Variants in E2F2 observed in about 807,000 individuals in gnomAD.
E2F2 encodes the protein transcription factor E2F2.
E2F2 carries 22 observed loss-of-function variants against 42.2 expected under a neutral mutation model. The observed-to-expected ratio is 0.52, with a 90% CI of 0.37 to 0.74. E2F2 has a LOEUF of 0.74. E2F2 is among the 30% of genes least tolerant of loss of function. E2F2 has a pLI of 0.00. For missense variants in E2F2, 481 were observed against 557.8 expected (o/e 0.86, Z 1.39); for synonymous variants, 248 against 251.6 (o/e 0.99, Z 0.13).
At chr1:23,519,243 C>A in intron 4 of E2F2, 113 bp from the exon 5 acceptor site, 1 of 616,366 alleles carries the variant, frequency 1.6e-6, no homozygotes, top group African/African-American at 1.8e-5. Flanking sequence ...CTTTCTCACT[C>A]CTTGTACAAC....
At chr1:23,525,952 G>A (rs1475602823) in intron 1 of E2F2, among the ~76,000 whole-genome samples, 1 of 152,142 alleles carries the variant, frequency 6.6e-6, no homozygotes, top group Non-Finnish European at 1.5e-5. Context: ...GCTGAGCACA[G>A]CTGGGCTGAC....
At chr1:23,514,673 C>CAA (rs34938409) in intron 6 of E2F2, among the ~76,000 whole-genome samples, 1,871 of 142,062 alleles carry the variant, frequency 0.013, 17 homozygotes, top group Middle Eastern at 0.017. Flanking sequence ...ACTAAAAATA[C>CAA]AAAAAAAAAA....
At chr1:23,521,595 T>C in intron 3 of E2F2, 1 of 984,490 alleles carries the variant, frequency 1.0e-6, no homozygotes, top group Non-Finnish European at 1.2e-6. Context: ...TTCTCCACTC[T>C]GCCCCGCATC....
chr1:23,518,597 C>T (rs1214129727), intron 5 of E2F2, among the ~76,000 whole-genome samples: 2 of 151,996 alleles, frequency 1.3e-5, no homozygotes, highest in Non-Finnish European at 2.9e-5. Flanking sequence ...GATGGGGCAG[C>T]GGGGAAAAGG....
intron 2 of E2F2, among the ~76,000 whole-genome samples, chr1:23,522,804 AG>A (rs1643177989): frequency 6.6e-6 from 1 of 152,160 alleles, no homozygotes; most frequent in South Asian, 2.1e-4. Context: ...TTAAACCACG[AG>A]GGGACTTTTG....
Position 23,530,613 on chromosome 1 carries a change from T to C in E2F2, c.181A>G (p.Thr61Ala), listed in dbSNP as rs749170136. 2 of 1,612,614 alleles carry C rather than the reference T, an allele frequency of 1.2e-6. No homozygotes were observed. The highest frequency in any genetic ancestry group is 1.7e-5 in the Admixed American group (1 of 59,972). Residue 61 changes from threonine to alanine, a missense_variant, in exon 1 of 7, where the codon ACC (threonine) becomes GCC (alanine). Transcript: ENST00000361729. This position sits in a 1 kb window ranked among gnomAD's most constrained non-coding sequence, Gnocchi z 4.4. ...QTAPPAAAPG[T>A]CLDATPHGPE... ...CCGTGGGGAGTGGCGTCGAGGCAGG[T>C]GCCTGGCGCCGCTGCGGGAGGCGCC...
chr1:23,524,067 T>A, intron 2 of E2F2, among the ~76,000 whole-genome samples: 1 of 139,144 alleles, frequency 7.2e-6, no homozygotes, highest in South Asian at 2.3e-4. Flanking sequence ...GAGCGAGACC[T>A]GTCTCACAAC....
chr1:23,509,978 A>G lies in E2F2; in HGVS notation c.1216T>C (p.Ser406Pro), dbSNP rs2148686028. Residue 406 changes from serine (S) to proline (P), a missense_variant, in exon 7 of 7, where the codon TCC (serine) becomes CCC (proline). Coordinates refer to ENST00000361729, the MANE Select transcript of E2F2 (RefSeq NM_004091.4). The part of the protein sequence containing the change: ...CSSPLISFSP[S>P]LDQDDYLWGL... The stretch of plus-strand genomic sequence containing the variant: ...CACAGGTAGTCGTCCTGGTCCAAGG[A>G]TGGGGAGAAGCTGATCAGAGGGGAG... 6.2e-7 allele frequency: 1 copy of G among 1,613,236 alleles called. No homozygotes were observed. Among genetic ancestry groups the G allele is most frequent in the Non-Finnish European group, 8.5e-7 (1 of 1,179,672 alleles).
intron 6 of E2F2, among the ~76,000 whole-genome samples, chr1:23,513,596 G>A (rs1308471263): frequency 1.3e-5 from 2 of 150,108 alleles, no homozygotes; most frequent in African/African-American, 2.5e-5. Context: ...GTGTGTGTGT[G>A]TGTGTGTGTG....
Position 23,509,525 on chromosome 1 carries a change from T to G in E2F2, c.*355A>C. The G allele has an allele frequency of 5.0e-6, 1 of 200,002 alleles. No homozygotes were observed. The highest frequency in any genetic ancestry group is 1.0e-5 in the Non-Finnish European group (1 of 99,942). 12.4% of individuals were successfully genotyped at this position (200,002 alleles called of 1,614,324 possible). A position where few individuals can be genotyped will look rare whatever the true frequency, so the allele number is the denominator to read the frequency against. ...AATAAATACAAAGGCATTATGTGCT[T>G]CTTGGTACGTCGAGGGTCCTAATTA... On this transcript the variant is annotated 3_prime_UTR_variant, in exon 7 of 7. Coordinates refer to ENST00000361729, the MANE Select transcript of E2F2 (RefSeq NM_004091.4).
At chr1:23,510,219 C>T (rs1228250041) in intron 6 of E2F2, 71 bp from the exon 7 acceptor site, 25 of 1,450,978 alleles carry the variant, frequency 1.7e-5, no homozygotes, top group East Asian at 7.7e-5. Context: ...GACAGACTTC[C>T]GGTTCTCTGG....
chr1:23,526,151 T>C (rs1433665023), intron 1 of E2F2, among the ~76,000 whole-genome samples: 1 of 152,120 alleles, frequency 6.6e-6, no homozygotes, highest in Non-Finnish European at 1.5e-5. Context: ...CTGCTCATTC[T>C]TGAATGAGTC....
chr1:23,513,613 T>C (rs1642958039), intron 6 of E2F2, among the ~76,000 whole-genome samples: 1 of 136,832 alleles, frequency 7.3e-6, no homozygotes, highest in South Asian at 2.2e-4. Flanking sequence ...TGTGTGTGTC[T>C]GTGCAGGAGA....
At chr1:23,529,463 C>A (rs1351322948) in intron 1 of E2F2, among the ~76,000 whole-genome samples, 1 of 152,124 alleles carries the variant, frequency 6.6e-6, no homozygotes, top group Non-Finnish European at 1.5e-5. Flanking sequence ...CAGGTCTGAC[C>A]AGATGCCTCT....
chr1:23,515,967 G>C (rs992725017), intron 6 of E2F2, among the ~76,000 whole-genome samples: 1 of 152,208 alleles, frequency 6.6e-6, no homozygotes, highest in East Asian at 1.9e-4. Context: ...CTCCCAAACT[G>C]CTGGGATTAT....
rs1642879792 is a variant in E2F2, at chr1:23,510,079, T to C, written c.1115A>G (p.Asp372Gly). 2 of 1,608,170 alleles carry C rather than the reference T, an allele frequency of 1.2e-6. No individual in the cohort carries two copies. Among genetic ancestry groups the C allele is most frequent in the South Asian group, 2.2e-5 (2 of 89,728 alleles). Residue 372 changes from aspartate to glycine, a missense_variant, in exon 7 of 7, where the codon GAC (aspartate) becomes GGC (glycine). Asp to Gly is a moderately conservative substitution (Grantham distance 94). Transcript: ENST00000361729. ...PPSLVPLEAT[D>G]SLLELPHPLL... ...TGGGTGCGGCAGCTCCAGCAGGCTG[T>C]CAGTAGCCTCCAAGGGGACCAGGGA...
intron 6 of E2F2, 25 bp from the exon 7 acceptor site, chr1:23,510,173 C>G: frequency 1.9e-6 from 3 of 1,549,688 alleles, no homozygotes; most frequent in Non-Finnish European, 2.6e-6. Flanking sequence ...ACAAAGGTTA[C>G]GCCTGGCCCT....
chr1:23,522,673 G>T (rs1558251602), intron 2 of E2F2, among the ~76,000 whole-genome samples: 1 of 152,160 alleles, frequency 6.6e-6, no homozygotes, highest in Non-Finnish European at 1.5e-5. Context: ...TTCTTCCCAT[G>T]TGAATCACAA....
rs1642852082 is a variant in E2F2 at position 23,508,857 on chromosome 1, T to C, written c.*1023A>G. 1 of 152,182 alleles carries C rather than the reference T, an allele frequency of 6.6e-6. No homozygotes were observed. The highest frequency in any genetic ancestry group is 1.5e-5 in the Non-Finnish European group (1 of 68,058). 9.4% of individuals were successfully genotyped at this position (152,182 alleles called of 1,614,324 possible). ...CACATGGGGGGCAGAGGGGATGCTT[T>C]TGGCAGTTTTTTGTTTTAATCTGAC... On this transcript the variant is annotated 3_prime_UTR_variant, in exon 7 of 7. Coordinates refer to ENST00000361729, the MANE Select transcript of E2F2 (RefSeq NM_004091.4).
Sources: allele counts gnomAD v4.1 joint callset (sites outside exome capture counted in the v4.1 genomes callset), GRCh38; gene constraint gnomAD v4.1.1; non-coding constraint Gnocchi (gnomAD v3.1); transcripts MANE v1.5; gene names NCBI Gene and HGNC (gene_info 2026-07-23, HGNC 2026-07-21).